MAF: variants seen among roughly 807,000 people sequenced by gnomAD.
MAF encodes the protein MAF bZIP transcription factor.
MAF carries 10 observed loss-of-function variants against 22.0 expected under a neutral mutation model. The observed-to-expected ratio is 0.45, with a 90% confidence interval of 0.28 to 0.77. The LOEUF (loss-of-function observed/expected upper bound fraction) is 0.77. Among genes scored for constraint, MAF ranks in the 30% least tolerant of loss-of-function variants. MAF has a pLI of 0.12. For missense variants in MAF, 544 were observed against 548.4 expected, an observed-to-expected ratio of 0.99 and a Z score of 0.08; for synonymous variants, 337 against 255.8, an observed-to-expected ratio of 1.32 and a Z score of -3.03.
the MAF span, among the ~76,000 whole-genome samples, chr16:79,285,453 T>G: frequency 1.0e-3 from 157 of 152,116 alleles, 1 homozygote; most frequent in Middle Eastern, 0.017. Flanking sequence ...GGGACAGCAG[T>G]TTTTCCGAAA....
intron 1 of MAF, chr16:79,596,261 A>C: frequency 9.4e-7 from 1 of 1,059,740 alleles, no homozygotes; most frequent in Non-Finnish European, 1.1e-6. Flanking sequence ...AACTTTGGGG[A>C]GAAAAAAATG....
chr16:79,593,044 A>G (rs1567561166), downstream of MAF, among the ~76,000 whole-genome samples: 1 of 152,210 alleles, frequency 6.6e-6, no homozygotes, highest in African/African-American at 2.4e-5. Flanking sequence ...TTAGTCTTCC[A>G]ACCTATCTCA....
chr16:79,427,242 G>A, the MAF span, among the ~76,000 whole-genome samples: 3 of 152,170 alleles, frequency 2.0e-5, no homozygotes, highest in African/African-American at 4.8e-5. Flanking sequence ...ATGATCCAGA[G>A]GCAAGTCAGA....
At chr16:79,216,752 A>G in the MAF span, among the ~76,000 whole-genome samples, 2 of 151,794 alleles carry the variant, frequency 1.3e-5, no homozygotes, top group African/African-American at 4.8e-5. Context: ...CTCTGTGTAC[A>G]TATATGTGTG....
the MAF span, among the ~76,000 whole-genome samples, chr16:79,442,448 T>C: frequency 1.3e-5 from 2 of 152,196 alleles, no homozygotes; most frequent in Admixed American, 6.5e-5. Context: ...TGTGGCTCAC[T>C]GCAGCCTCAT....
chr16:79,304,698 C>T, the MAF span, among the ~76,000 whole-genome samples: 2 of 152,162 alleles, frequency 1.3e-5, no homozygotes, highest in African/African-American at 2.4e-5. Flanking sequence ...AACACACTCG[C>T]TTCCTAATCA....
At chr16:79,207,328 A>G in the MAF span, among the ~76,000 whole-genome samples, 3 of 152,254 alleles carry the variant, frequency 2.0e-5, no homozygotes, top group East Asian at 3.8e-4. Context: ...TTGAAGAGGT[A>G]TGTGTCTTTC....
chr16:79,415,386 A>G, the MAF span, among the ~76,000 whole-genome samples: 5 of 151,896 alleles, frequency 3.3e-5, no homozygotes, highest in East Asian at 9.7e-4. Context: ...GGGAGCAAGG[A>G]AGGGAGGGAA....
At chr16:79,486,218 C>A in the MAF span, among the ~76,000 whole-genome samples, 2 of 152,082 alleles carry the variant, frequency 1.3e-5, no homozygotes, top group African/African-American at 2.4e-5. Context: ...TAGTGATAGG[C>A]AAGAGAAGCA....
chr16:79,598,332 A>C, intron 1 of MAF: 1 of 1,118,578 alleles, frequency 8.9e-7, no homozygotes, highest in Non-Finnish European at 1.1e-6. Context: ...TCATGAACTG[A>C]AGGGGAAGAA....
At chr16:79,583,681 C>T (rs998599927), downstream of MAF, among the ~76,000 whole-genome samples, 6 of 152,228 alleles carry the variant, frequency 3.9e-5, no homozygotes, top group Admixed American at 3.3e-4. Flanking sequence ...TTGGTGCAAA[C>T]CACAGTTAGT....
chr16:79,542,728 G>C, the MAF span, among the ~76,000 whole-genome samples: 2 of 152,184 alleles, frequency 1.3e-5, no homozygotes, highest in Non-Finnish European at 2.9e-5. Flanking sequence ...GGAGGGGTTA[G>C]CTTCCTTCCC....
the MAF span, chr16:79,206,833 G>C: frequency 6.6e-6 from 1 of 152,192 alleles, no homozygotes; most frequent in South Asian, 2.1e-4. Flanking sequence ...CCTCATTCCT[G>C]TATAGGCTGC....
the MAF span, among the ~76,000 whole-genome samples, chr16:79,382,952 C>CATTA: frequency 6.6e-6 from 1 of 152,178 alleles, no homozygotes; most frequent in African/African-American, 2.4e-5. Context: ...CTCTAGCATT[C>CATTA]ATTCATTCAT....
At chr16:79,432,919 T>G in the MAF span, among the ~76,000 whole-genome samples, 1 of 152,216 alleles carries the variant, frequency 6.6e-6, no homozygotes, top group Non-Finnish European at 1.5e-5. Context: ...ATCTTGGACT[T>G]CTGGCCTCCA....
the MAF span, among the ~76,000 whole-genome samples, chr16:79,475,776 T>C: frequency 6.6e-6 from 1 of 152,308 alleles, no homozygotes; most frequent in African/African-American, 2.4e-5. Flanking sequence ...AATGGCAGAA[T>C]GACAACCATT....
chr16:79,204,770 G>A, the MAF span: 1 of 152,138 alleles, frequency 6.6e-6, no homozygotes, highest in Admixed American at 6.5e-5. Flanking sequence ...GGGTGGTTGG[G>A]ACTGGCTGCC....
the MAF span, among the ~76,000 whole-genome samples, chr16:79,571,276 T>A: frequency 6.6e-6 from 1 of 152,070 alleles, no homozygotes; most frequent in South Asian, 2.1e-4. Context: ...AAGAATCAGC[T>A]CCACCCTCAG....
the MAF span, among the ~76,000 whole-genome samples, chr16:79,473,627 T>G: frequency 6.6e-6 from 1 of 152,178 alleles, no homozygotes; most frequent in Admixed American, 6.5e-5. Flanking sequence ...AGTTCAGCAC[T>G]CCAGAGCAGG....
Sources: gnomAD v4.1 joint callset for allele counts (sites outside exome capture counted in the v4.1 genomes callset) on GRCh38, gnomAD v4.1.1 for gene constraint, MANE v1.5 for transcripts, NCBI Gene and HGNC (gene_info 2026-07-23, HGNC 2026-07-21) for gene names.